Variants in MSI2 observed in about 807,000 individuals in gnomAD.
MSI2 encodes the protein musashi RNA binding protein 2, also known as RNA-binding protein Musashi homolog 2.
MSI2 carries 17 observed loss-of-function variants against 45.6 expected under a neutral mutation model. The ratio of observed to expected loss-of-function variants is 0.37; its 90% confidence interval spans 0.26 to 0.56. The LOEUF (loss-of-function observed/expected upper bound fraction) is 0.56, where lower values mean the gene tolerates loss of function less well. Among genes scored for constraint, MSI2 ranks in the 20% least tolerant of loss-of-function variants. The pLI is 0.77. For missense variants in MSI2, 293 were observed against 444.2 expected, an observed-to-expected ratio of 0.66 and a Z score of 3.06; for synonymous variants, 156 against 158.2, an observed-to-expected ratio of 0.99 and a Z score of 0.11.
chr17:57,495,622 T>A (rs563979537), intron 6 of MSI2, among the ~76,000 whole-genome samples: 8 of 151,812 alleles, frequency 5.3e-5, no homozygotes, highest in African/African-American at 1.9e-4. Context: ...TCAGTCTCCA[T>A]GTCCAATTCT....
intron 5 of MSI2, among the ~76,000 whole-genome samples, chr17:57,306,733 G>A (rs1198788947): frequency 6.6e-6 from 1 of 152,040 alleles, no homozygotes; most frequent in Non-Finnish European, 1.5e-5. Flanking sequence ...CTATCTATTT[G>A]TTTGTTTGTT....
At chr17:57,492,325 C>T (rs1324185088) in intron 6 of MSI2, among the ~76,000 whole-genome samples, 1 of 152,210 alleles carries the variant, frequency 6.6e-6, no homozygotes, top group Non-Finnish European at 1.5e-5. Context: ...CAATTATTTT[C>T]ACTGTGGCAT....
At chr17:57,300,081 A>G (rs528931850) in intron 5 of MSI2, among the ~76,000 whole-genome samples, 1 of 152,314 alleles carries the variant, frequency 6.6e-6, no homozygotes, top group Non-Finnish European at 1.5e-5. Context: ...TTTACTGCCC[A>G]CATACCCTTC....
At chr17:57,409,095 A>G (rs1474081301) in intron 6 of MSI2, among the ~76,000 whole-genome samples, 4 of 152,162 alleles carry the variant, frequency 2.6e-5, no homozygotes, top group African/African-American at 4.8e-5. Context: ...TGGGCTGCCA[A>G]TCTGTACTTT....
chr17:57,295,081 G>A (rs2143495427), intron 5 of MSI2, among the ~76,000 whole-genome samples: 1 of 152,276 alleles, frequency 6.6e-6, no homozygotes, highest in East Asian at 1.9e-4. Context: ...CTTGAAGAGT[G>A]AACAGGAAAG....
At chr17:57,540,437 A>C (rs1291589426) in intron 7 of MSI2, among the ~76,000 whole-genome samples, 1 of 152,132 alleles carries the variant, frequency 6.6e-6, no homozygotes, top group East Asian at 1.9e-4. Flanking sequence ...CCAAAAGCAT[A>C]AGTTGAAGTC....
At chr17:57,677,336 C>G (rs370329330) in intron 13 of MSI2, among the ~76,000 whole-genome samples, 64 of 152,302 alleles carry the variant, frequency 4.2e-4, no homozygotes, top group African/African-American at 1.5e-3. Context: ...TCTTCCCCAC[C>G]CTTCATCTTT....
intron 7 of MSI2, among the ~76,000 whole-genome samples, chr17:57,575,969 A>G (rs1255040845): frequency 9.3e-5 from 14 of 151,162 alleles, no homozygotes; most frequent in Admixed American, 9.2e-4. Context: ...AAAAAAAAAA[A>G]AATTGGAAAA....
At chr17:57,380,452 C>T (rs180890709) in intron 5 of MSI2, among the ~76,000 whole-genome samples, 6 of 152,144 alleles carry the variant, frequency 3.9e-5, no homozygotes, top group South Asian at 4.2e-4. Flanking sequence ...TGGTTAGTAG[C>T]GGTGCTTGTC....
chr17:57,342,237 AAC>A (rs1478291484), intron 5 of MSI2, among the ~76,000 whole-genome samples: 1 of 152,176 alleles, frequency 6.6e-6, no homozygotes, highest in African/African-American at 2.4e-5. Context: ...ATGTTGGCAA[AAC>A]ACCTCTTTGA....
At chr17:57,694,207 A>G in the MSI2 span, among the ~76,000 whole-genome samples, 2 of 152,210 alleles carry the variant, frequency 1.3e-5, no homozygotes, top group African/African-American at 2.4e-5. Context: ...GGTTGAGTCA[A>G]TCTAGTCAGA....
chr17:57,663,380 C>T (rs1912138991), intron 11 of MSI2, among the ~76,000 whole-genome samples: 1 of 152,214 alleles, frequency 6.6e-6, no homozygotes, highest in African/African-American at 2.4e-5. Flanking sequence ...CTGCCCAGGT[C>T]TGTGGTAAAC....
At chr17:57,589,062 G>A (rs1904576901) in intron 7 of MSI2, among the ~76,000 whole-genome samples, 1 of 152,078 alleles carries the variant, frequency 6.6e-6, no homozygotes, top group African/African-American at 2.4e-5. Context: ...ACCACCTTTG[G>A]GAAGCAGATG....
intron 6 of MSI2, among the ~76,000 whole-genome samples, chr17:57,465,444 T>G (rs962552301): frequency 6.6e-6 from 1 of 152,114 alleles, no homozygotes; most frequent in Non-Finnish European, 1.5e-5. Context: ...CTGCCTGGGT[T>G]TTTTCAGAAG....
At chr17:57,455,372 G>A (rs2085093246) in intron 6 of MSI2, among the ~76,000 whole-genome samples, 1 of 152,140 alleles carries the variant, frequency 6.6e-6, no homozygotes, top group Non-Finnish European at 1.5e-5. Context: ...GGGGTTTGAA[G>A]CCATTGCTTG....
intron 5 of MSI2, among the ~76,000 whole-genome samples, chr17:57,372,595 G>A (rs961295405): frequency 1.3e-5 from 2 of 152,154 alleles, no homozygotes; most frequent in Admixed American, 6.5e-5. Context: ...TTGAAAACAA[G>A]CTGTGCCTAT....
intron 6 of MSI2, among the ~76,000 whole-genome samples, chr17:57,409,874 G>A (rs997012024): frequency 6.6e-6 from 1 of 151,906 alleles, no homozygotes; most frequent in East Asian, 1.9e-4. Flanking sequence ...TGAGCGTGGT[G>A]GTGGGCACCT....
chr17:57,347,718 G>T (rs1915723702), intron 5 of MSI2, among the ~76,000 whole-genome samples: 1 of 152,172 alleles, frequency 6.6e-6, no homozygotes, highest in Non-Finnish European at 1.5e-5. Context: ...GGTAGAGTAG[G>T]TTTGTCTCTA....
intron 6 of MSI2, among the ~76,000 whole-genome samples, chr17:57,459,052 G>A (rs569144852): frequency 6.6e-6 from 1 of 152,352 alleles, no homozygotes; most frequent in Admixed American, 6.5e-5. Context: ...ATGGGAGCTT[G>A]GCAGAGGCAG....
Sources: gnomAD v4.1 joint callset for allele counts (sites outside exome capture counted in the v4.1 genomes callset) on GRCh38, gnomAD v4.1.1 for gene constraint, MANE v1.5 for transcripts, NCBI Gene and HGNC (gene_info 2026-07-23, HGNC 2026-07-21) for gene names.